C4orf50: variants seen among roughly 807,000 people sequenced by gnomAD.
C4orf50 encodes chromosome 4 open reading frame 50, also known as uncharacterized protein C4orf50.
C4orf50 carries 80 observed loss-of-function variants against 77.2 expected under a neutral mutation model. The ratio of observed to expected loss-of-function variants is 1.04; its 90% confidence interval spans 0.87 to 1.25. The LOEUF (loss-of-function observed/expected upper bound fraction) is 1.25, where lower values mean the gene tolerates loss of function less well. C4orf50 is among the 50% of genes most tolerant of loss of function. The pLI is 0.00. For missense variants in C4orf50, 1,257 were observed against 1,152.9 expected, an observed-to-expected ratio of 1.09 and a Z score of -1.31; for synonymous variants, 532 against 465.3, an observed-to-expected ratio of 1.14 and a Z score of -1.84.
At chr4:5,945,443 C>T (rs1197553071) in intron 7 of C4orf50, among the ~76,000 whole-genome samples, 2 of 152,160 alleles carry the variant, frequency 1.3e-5, no homozygotes, top group Admixed American at 6.5e-5. Context: ...TGCCAGCACC[C>T]GGGAGAGGGG....
intron 25 of C4orf50, 32 bp from the exon 4 acceptor site, chr4:5,994,508 C>T (rs2108795895): frequency 2.5e-6 from 1 of 399,122 alleles, no homozygotes; most frequent in East Asian, 3.6e-5. Flanking sequence ...CAGGAGCCGT[C>T]AGTGTCCTGG....
chr4:6,012,055 T>G, intron 23 of C4orf50, 87 bp from the exon 2 acceptor site: 1 of 398,516 alleles, frequency 2.5e-6, no homozygotes, highest in Non-Finnish European at 4.4e-6. Flanking sequence ...CAAATTATTA[T>G]TATTATTGTT....
At chr4:5,971,952 G>T (rs1719950353) in intron 31 of C4orf50, among the ~76,000 whole-genome samples, 1 of 152,042 alleles carries the variant, frequency 6.6e-6, no homozygotes, top group Non-Finnish European at 1.5e-5. Flanking sequence ...GCCTTCCAGG[G>T]TGACACCTGC....
chr4:5,959,880 C>G (rs917540924), intron 33 of C4orf50, among the ~76,000 whole-genome samples: 34 of 152,342 alleles, frequency 2.2e-4, no homozygotes, highest in African/African-American at 7.7e-4. Flanking sequence ...CTCTCCACGT[C>G]ATGTGGCAGG....
chr4:5,941,654 T>TA (rs1370807320), intron 7 of C4orf50, among the ~76,000 whole-genome samples: 1 of 152,196 alleles, frequency 6.6e-6, no homozygotes, highest in East Asian at 1.9e-4. Flanking sequence ...CTTCTGCTCT[T>TA]AAGAGTCTAA....
rs529216111 is a variant in C4orf50, at chr4:5,999,116, T to C, written c.964-4640A>G. Among the ~76,000 whole-genome samples, 4 of 152,202 alleles carry C rather than the reference T, an allele frequency of 2.6e-5. No homozygotes were observed. In the East Asian group the frequency reaches 7.7e-4, roughly 29 times the overall value. On this transcript the variant is annotated intron_variant, in intron 25 of 33. Transcript: ENST00000531445. ...CCGGCTACCTTGCAGAGTTCATGAG[T>C]TCCTGTTTAGGAAAGTGCTTTGTGA...
At chr4:5,989,554 G>A in exon 28 of C4orf50, 2 of 1,536,116 alleles carry the variant, frequency 1.3e-6, no homozygotes, top group Non-Finnish European at 1.7e-6. Context: ...ACATGCAGAG[G>A]CTGAGCACTG....
chr4:5,998,967 G>A (rs374779759), intron 25 of C4orf50, among the ~76,000 whole-genome samples: 3 of 152,294 alleles, frequency 2.0e-5, no homozygotes, highest in African/African-American at 7.2e-5. Context: ...GCAGTGGTCC[G>A]TTCCTCTGGG....
chr4:5,990,140 T>C (rs1456092568), exon 28 of C4orf50: 1 of 1,265,926 alleles, frequency 7.9e-7, no homozygotes, highest in African/African-American at 1.5e-5. Flanking sequence ...GGACCCTCCT[T>C]TGATACTGAG....
At chr4:5,994,422 G>A in exon 26 of C4orf50, 1 of 399,162 alleles carries the variant, frequency 2.5e-6, no homozygotes, top group Non-Finnish European at 4.4e-6. Context: ...CAGGGGTCCA[G>A]GGCCTCCTCC....
chr4:6,005,958 A>G (rs1439650815), intron 25 of C4orf50, among the ~76,000 whole-genome samples: 1 of 152,222 alleles, frequency 6.6e-6, no homozygotes, highest in Non-Finnish European at 1.5e-5. Context: ...CCAACAGCCT[A>G]AAGTCTTACG....
At chr4:5,913,681 T>A (rs1005059323) in intron 7 of C4orf50, among the ~76,000 whole-genome samples, 1 of 152,196 alleles carries the variant, frequency 6.6e-6, no homozygotes, top group Non-Finnish European at 1.5e-5. Flanking sequence ...GGCTCCTGGG[T>A]GTATTGATCC....
chr4:5,988,853 C>A lies in C4orf50; in HGVS notation c.3193G>T (p.Val1065Phe), dbSNP rs111741116. 2.6e-6 allele frequency: 4 copies of A among 1,536,086 alleles called. No individual in the cohort carries two copies. In the South Asian group the frequency reaches 3.6e-5, roughly 14 times the overall value. ...TCCTTTATCAGCTCTTTATAACTGACGCCAAGCTCCGAGATCAGTGTCTGG... is the reference window on the plus strand; with the variant it reads ...TCCTTTATCAGCTCTTTATAACTGAAGCCAAGCTCCGAGATCAGTGTCTGG... The change falls in exon 28 of 34, where the codon GTC (valine) becomes TTC (phenylalanine). Residue 1065 changes from valine (V) to phenylalanine (F), a missense_variant. Coordinates refer to ENST00000531445, the Ensembl canonical transcript of C4orf50.
At chr4:5,999,548 C>T (rs942449233) in intron 25 of C4orf50, among the ~76,000 whole-genome samples, 7 of 152,204 alleles carry the variant, frequency 4.6e-5, no homozygotes, top group Non-Finnish European at 8.8e-5. Context: ...TGAAGCAGTC[C>T]CTTCAGCCAG....
At chr4:6,003,621 G>A (rs13123628) in intron 25 of C4orf50, among the ~76,000 whole-genome samples, 23,069 of 98,718 alleles carry the variant, frequency 0.23, 2,513 homozygotes, top group Non-Finnish European at 0.28. Flanking sequence ...GATGGTGATG[G>A]TGGTGATGAC....
chr4:5,982,197 G>T (rs1464328456), intron 28 of C4orf50, among the ~76,000 whole-genome samples: 1 of 152,094 alleles, frequency 6.6e-6, no homozygotes, highest in Non-Finnish European at 1.5e-5. Flanking sequence ...GAAGTACATT[G>T]CCTCCTCTAC....
chr4:5,914,205 GTT>G (rs1207974269), intron 7 of C4orf50, among the ~76,000 whole-genome samples: 24 of 78,160 alleles, frequency 3.1e-4, no homozygotes, highest in Non-Finnish European at 4.4e-4. Flanking sequence ...TTTTATGGGT[GTT>G]TTTTTTTTTT....
intron 31 of C4orf50, among the ~76,000 whole-genome samples, chr4:5,969,696 A>G (rs1719789887): frequency 6.6e-6 from 1 of 152,136 alleles, no homozygotes; most frequent in South Asian, 2.1e-4. Flanking sequence ...CAAACCTCAC[A>G]AAGCCCCATA....
rs1299927795 is a variant in C4orf50 at position 6,007,153 on chromosome 4, G to T, written c.963+843C>A. On this transcript the variant is annotated intron_variant, in intron 25 of 33. Transcript: ENST00000531445. This position sits in a 1 kb window ranked among gnomAD's most constrained non-coding sequence, Gnocchi z 4.1. ...GTTGGCTGCCTGACCAGTGGCCAGA[G>T]GGGTAGATAGATGAACACATGGTGT... is the stretch of plus-strand genomic sequence containing the variant. Among the ~76,000 whole-genome samples, 1 of 152,206 alleles carries T rather than the reference G, an allele frequency of 6.6e-6. No homozygotes were observed. Among genetic ancestry groups the T allele is most frequent in the Non-Finnish European group, 1.5e-5 (1 of 68,044 alleles).
Sources: gnomAD v4.1 joint callset for allele counts (sites outside exome capture counted in the v4.1 genomes callset) on GRCh38, gnomAD v4.1.1 for gene constraint, Gnocchi (gnomAD v3.1) non-coding constraint, MANE v1.5 for transcripts, NCBI Gene and HGNC (gene_info 2026-07-23, HGNC 2026-07-21) for gene names.